Variants in DTNA observed in about 807,000 individuals in gnomAD.
The protein encoded by DTNA is dystrophin-related protein 3.
In DTNA, 43 loss-of-function variants were observed where a neutral mutation model predicts 100.7. That is an observed-to-expected ratio of 0.43 (90% CI 0.33 to 0.55). The LOEUF (loss-of-function observed/expected upper bound fraction) is 0.55. DTNA is among the 20% of genes least tolerant of loss of function. The pLI, the probability that DTNA is intolerant of heterozygous loss-of-function variation, is 0.04. For synonymous variants in DTNA, 349 were observed against 347.9 expected (o/e 1.00, Z -0.04); for missense variants, 798 against 953.9 (o/e 0.84, Z 2.15).
At chr18:34,870,526 C>T (rs1423391496) in intron 17 of DTNA, among the ~76,000 whole-genome samples, 7 of 152,188 alleles carry the variant, frequency 4.6e-5, no homozygotes, top group Admixed American at 2.6e-4. Flanking sequence ...CCCTCCCAGA[C>T]TCTCTCTTTT....
At position 34,536,884 on chromosome 18, in the gene DTNA, C is replaced by T. The variant is rs146542401; in HGVS notation, c.-2+43370C>T. ...AAAAATATTCTCCTTTGTTGAATAG[C>T]AAATAATATGGGAGGAGAAGGAAGA... is the stretch of plus-strand genomic sequence containing the variant. On this transcript the variant is annotated intron_variant, in intron 1 of 19. Coordinates refer to the DTNA transcript ENST00000283365. 4.2e-3 allele frequency among the ~76,000 whole-genome samples: 633 copies of T among 151,850 alleles called. 1 individual carries two copies. The highest frequency in any genetic ancestry group is 0.015 in the African/African-American group (609 of 41,470).
intron 1 of DTNA, among the ~76,000 whole-genome samples, chr18:34,501,581 C>T (rs2039929703): frequency 6.6e-6 from 1 of 152,066 alleles, no homozygotes. Context: ...AGTGAAATCA[C>T]CTGGGCTGGG....
At chr18:34,744,632 G>A (rs1039555259) in intron 1 of DTNA, among the ~76,000 whole-genome samples, 1 of 152,094 alleles carries the variant, frequency 6.6e-6, no homozygotes, top group African/African-American at 2.4e-5. Context: ...AAGAAGAGAG[G>A]TGGAAGAAAA....
At chr18:34,539,404 C>T (rs2044034496) in intron 1 of DTNA, among the ~76,000 whole-genome samples, 1 of 151,906 alleles carries the variant, frequency 6.6e-6, no homozygotes, top group African/African-American at 2.4e-5. Flanking sequence ...CTCAGATGTC[C>T]ACTGGAAATT....
rs1321705192 is a variant in DTNA at position 34,888,937 on chromosome 18, G to A, written c.*1203G>A. The A allele has an allele frequency of 2.0e-6, 2 of 985,738 alleles. No homozygotes were observed. The highest frequency in any genetic ancestry group is 3.5e-5 in the African/African-American group (2 of 57,226). 61.1% of individuals were successfully genotyped at this position (985,738 alleles called of 1,614,324 possible). On this transcript the variant is annotated 3_prime_UTR_variant, in exon 23 of 23. Coordinates refer to ENST00000444659, the MANE Select transcript of DTNA (RefSeq NM_001386795.1). ...AGCCTTCTGTGGTCATGTGAAAGGA[G>A]ACAGGCTCTTCTAAGTTGAGTTGGG...
At chr18:34,498,447 TAATAATA>T (rs1568539431) in intron 1 of DTNA, among the ~76,000 whole-genome samples, 8 of 80,998 alleles carry the variant, frequency 9.9e-5, no homozygotes, top group Non-Finnish European at 1.7e-4. Context: ...AATAATATAA[TAATAATA>T]ATAATAATAA....
chr18:34,523,611 T>G (rs1378087286), intron 1 of DTNA, among the ~76,000 whole-genome samples: 1 of 152,152 alleles, frequency 6.6e-6, no homozygotes, highest in Non-Finnish European at 1.5e-5. Flanking sequence ...CTTCCCACAA[T>G]TTTCATATAT....
At chr18:34,497,964 G>C (rs1373365532) in intron 1 of DTNA, among the ~76,000 whole-genome samples, 1 of 152,094 alleles carries the variant, frequency 6.6e-6, no homozygotes, top group East Asian at 1.9e-4. Context: ...AACAGCTAAA[G>C]GTTCTGTGAT....
At chr18:34,617,080 A>G (rs2055449605) in intron 1 of DTNA, among the ~76,000 whole-genome samples, 1 of 152,014 alleles carries the variant, frequency 6.6e-6, no homozygotes, top group South Asian at 2.1e-4. Flanking sequence ...GGATAGTTTG[A>G]CTTCCTCTCT....
At chr18:34,685,024 C>T (rs936064140) in intron 1 of DTNA, among the ~76,000 whole-genome samples, 1 of 152,026 alleles carries the variant, frequency 6.6e-6, no homozygotes, top group African/African-American at 2.4e-5. Flanking sequence ...GTTTAAGTTC[C>T]TTGTAGATTC....
At chr18:34,804,341 G>A (rs896672774) in intron 4 of DTNA, among the ~76,000 whole-genome samples, 8 of 152,136 alleles carry the variant, frequency 5.3e-5, no homozygotes, top group African/African-American at 1.7e-4. Context: ...GGCAAAAGGC[G>A]GCCAGAGGGT....
intron 10 of DTNA, chr18:34,829,195 A>G: frequency 6.9e-6 from 11 of 1,587,214 alleles, no homozygotes; most frequent in Non-Finnish European, 9.4e-6. Flanking sequence ...TCCCATTTTC[A>G]GTCATTTTGG....
chr18:34,628,817 G>A (rs1041498615), intron 1 of DTNA, among the ~76,000 whole-genome samples: 5 of 151,984 alleles, frequency 3.3e-5, no homozygotes, highest in African/African-American at 9.7e-5. Context: ...TTTCAAACTG[G>A]TTGACACACC....
In DTNA at chr18:34,890,403, C is replaced by A; in HGVS notation, c.*2669C>A. On this transcript the variant is annotated 3_prime_UTR_variant, in exon 23 of 23. Coordinates refer to ENST00000444659, the MANE Select transcript of DTNA (RefSeq NM_001386795.1). The stretch of plus-strand genomic sequence containing the variant: ...TTTGTGTTTTTTGGTGGGTTTCTTT[C>A]CTTGGCTCTCCAGATTTACTTTTGG... 5.9e-6 allele frequency: 9 copies of A among 1,536,068 alleles called. No individual in the cohort carries two copies. Among genetic ancestry groups the A allele is most frequent in the Non-Finnish European group, 7.0e-6 (8 of 1,146,902 alleles).
At chr18:34,878,685 C>T (rs2096842581) in intron 19 of DTNA, among the ~76,000 whole-genome samples, 1 of 152,112 alleles carries the variant, frequency 6.6e-6, no homozygotes, top group African/African-American at 2.4e-5. Context: ...GATAGATCTG[C>T]CCAGAAATAA....
chr18:34,686,538 G>T (rs186698262), intron 1 of DTNA, among the ~76,000 whole-genome samples: 13 of 152,118 alleles, frequency 8.5e-5, no homozygotes, highest in Admixed American at 8.5e-4. Flanking sequence ...GATTCAGTTT[G>T]CCAGTACGTT....
chr18:34,630,820 A>G (rs1406549030), intron 1 of DTNA, among the ~76,000 whole-genome samples: 4 of 152,156 alleles, frequency 2.6e-5, no homozygotes, highest in Non-Finnish European at 5.9e-5. Context: ...TCAAAAAAAA[A>G]AGGTAGATAT....
chr18:34,698,978 T>C (rs1338987745), intron 1 of DTNA, among the ~76,000 whole-genome samples: 2 of 151,086 alleles, frequency 1.3e-5, no homozygotes, highest in Non-Finnish European at 2.9e-5. Context: ...ACAACAGTCA[T>C]TGGATTTAGG....
At chr18:34,814,716 A>G (rs2095558910) in intron 6 of DTNA, among the ~76,000 whole-genome samples, 1 of 151,924 alleles carries the variant, frequency 6.6e-6, no homozygotes, top group African/African-American at 2.4e-5. Context: ...AAGAGAAAAA[A>G]GGACCTATGT....
Sources: allele counts gnomAD v4.1 joint callset (sites outside exome capture counted in the v4.1 genomes callset), GRCh38; gene constraint gnomAD v4.1.1; transcripts MANE v1.5; gene names NCBI Gene and HGNC (gene_info 2026-07-23, HGNC 2026-07-21).